GPAT3: variants seen among roughly 807,000 people sequenced by gnomAD.
GPAT3 encodes glycerol-3-phosphate acyltransferase 3, also known as 1-AGP acyltransferase 9.
Under a neutral mutation model 58.8 loss-of-function variants are expected in GPAT3, and 53 were observed. The observed-to-expected ratio is 0.90, with a 90% CI of 0.72 to 1.13. The LOEUF is 1.13. Among genes scored for constraint, GPAT3 ranks in the 50% most tolerant of loss-of-function variants. The pLI is 0.00. For synonymous variants in GPAT3, 197 were observed against 187.4 expected (o/e 1.05, Z -0.42); for missense variants, 511 against 527.6 (o/e 0.97, Z 0.31).
intron 2 of GPAT3, among the ~76,000 whole-genome samples, chr4:83,562,211 T>TA (rs55826032): frequency 0.061 from 4,413 of 72,280 alleles, 391 homozygotes; most frequent in African/African-American, 0.33. Context: ...TATATATATA[T>TA]TATATATATA....
chr4:83,544,532 A>G lies in GPAT3; in HGVS notation c.142-4A>G. On this transcript the variant is annotated splice_polypyrimidine_tract_variant and splice_region_variant and intron_variant, in intron 1 of 11. Coordinates refer to ENST00000264409, the MANE Select transcript of GPAT3 (RefSeq NM_032717.5). ...TTAAATTAATATTTCTTGTTTTTGAACAGTGGGCCACAATACGAATTGAAA... is the reference window on the plus strand; with the variant it reads ...TTAAATTAATATTTCTTGTTTTTGAGCAGTGGGCCACAATACGAATTGAAA... 2 of 1,613,854 alleles carry G rather than the reference A, an allele frequency of 1.2e-6. No individual in the cohort carries two copies. The highest frequency in any genetic ancestry group is 1.1e-5 in the South Asian group (1 of 91,080).
At chr4:83,580,637 A>C (rs947702090) in intron 2 of GPAT3, among the ~76,000 whole-genome samples, 1 of 152,158 alleles carries the variant, frequency 6.6e-6, no homozygotes, top group Non-Finnish European at 1.5e-5. Context: ...TCATTGAATA[A>C]AATGCTGCTG....
Position 83,597,422 on chromosome 4 carries a change from C to A in GPAT3, c.911-8C>A, listed in dbSNP as rs777372075. ...AATATTCACGCTCCTACCCTCACCC[C>A]CTTGCAGGAACTTGCATCAACAATA... On this transcript the variant is annotated splice_polypyrimidine_tract_variant and splice_region_variant and intron_variant, in intron 8 of 11. Transcript: ENST00000264409. The A allele has an allele frequency of 1.5e-5, 23 of 1,516,548 alleles. No individual in the cohort carries two copies. Among genetic ancestry groups the A allele is most frequent in the South Asian group, 5.7e-5 (4 of 70,288 alleles). 93.9% of individuals were successfully genotyped at this position (1,516,548 alleles called of 1,614,324 possible).
intron 2 of GPAT3, among the ~76,000 whole-genome samples, chr4:83,553,223 T>C (rs78590427): frequency 0.032 from 4,823 of 152,098 alleles, 278 homozygotes; most frequent in African/African-American, 0.11. Flanking sequence ...CAGATCAGAG[T>C]TATGGTCTTG....
At position 83,597,419 on chromosome 4, in the gene GPAT3, C is replaced by A. The variant is rs1221053416; in HGVS notation, c.911-11C>A. On this transcript the variant is annotated splice_polypyrimidine_tract_variant and intron_variant, in intron 8 of 11. Coordinates refer to ENST00000264409, the MANE Select transcript of GPAT3 (RefSeq NM_032717.5). ...AAAAATATTCACGCTCCTACCCTCACCCCCTTGCAGGAACTTGCATCAACA... is the reference window on the plus strand; with the variant it reads ...AAAAATATTCACGCTCCTACCCTCAACCCCTTGCAGGAACTTGCATCAACA... 75 of 1,500,092 alleles carry A rather than the reference C, an allele frequency of 5.0e-5. No homozygotes were observed. The highest frequency in any genetic ancestry group is 6.4e-5 in the Non-Finnish European group (72 of 1,116,346). The allele number at this position is 1,500,092 out of a possible 1,614,324, so 92.9% of individuals were successfully genotyped here.
chr4:83,571,195 T>G (rs959641705), intron 2 of GPAT3, among the ~76,000 whole-genome samples: 1 of 152,252 alleles, frequency 6.6e-6, no homozygotes, highest in African/African-American at 2.4e-5. Flanking sequence ...ACCAATAGTT[T>G]GTTTATTTAT....
chr4:83,544,436 A>G (rs1298203586), intron 1 of GPAT3, 100 bp from the exon 2 acceptor site: 1 of 1,198,950 alleles, frequency 8.3e-7, no homozygotes, highest in African/African-American at 1.5e-5. Context: ...AGACACTGCC[A>G]GAGCTTGATG....
chr4:83,559,657 T>C (rs1216356814), intron 2 of GPAT3, among the ~76,000 whole-genome samples: 1 of 152,208 alleles, frequency 6.6e-6, no homozygotes, highest in African/African-American at 2.4e-5. Context: ...TCTTTTAATC[T>C]GCCAGCAAGT....
chr4:83,596,937 G>C, intron 8 of GPAT3, 24 bp downstream of exon 8: 1 of 1,592,160 alleles, frequency 6.3e-7, no homozygotes, highest in Non-Finnish European at 8.6e-7. Flanking sequence ...TGCCTCCCGA[G>C]CTATAGTTGA....
At chr4:83,543,063 G>T (rs190407954) in intron 1 of GPAT3, among the ~76,000 whole-genome samples, 1 of 152,270 alleles carries the variant, frequency 6.6e-6, no homozygotes, top group Non-Finnish European at 1.5e-5. Flanking sequence ...CACTTTGGGA[G>T]GCTGAAGCCA....
chr4:83,573,172 T>G (rs912680964), intron 2 of GPAT3, among the ~76,000 whole-genome samples: 2 of 152,196 alleles, frequency 1.3e-5, no homozygotes, highest in Non-Finnish European at 2.9e-5. Flanking sequence ...TTTCACTCTG[T>G]CACCCAGGCT....
chr4:83,551,490 T>A (rs114302934), intron 2 of GPAT3, among the ~76,000 whole-genome samples: 52,090 of 151,446 alleles, frequency 0.34, 9,075 homozygotes, highest in Middle Eastern at 0.44. Context: ...ATTTATAATT[T>A]TTTTTCTTTA....
intron 1 of GPAT3, among the ~76,000 whole-genome samples, chr4:83,543,774 A>C (rs560456627): frequency 1.3e-5 from 2 of 151,850 alleles, no homozygotes; most frequent in Non-Finnish European, 2.9e-5. Context: ...CAGAGTAGCT[A>C]GGATTACAGG....
intron 2 of GPAT3, among the ~76,000 whole-genome samples, chr4:83,566,680 A>T (rs1405415659): frequency 6.6e-6 from 1 of 151,672 alleles, no homozygotes; most frequent in Non-Finnish European, 1.5e-5. Context: ...TTAAGTTTGT[A>T]AATTTATTGA....
intron 1 of GPAT3, among the ~76,000 whole-genome samples, chr4:83,541,264 C>A (rs1045603878): frequency 3.3e-5 from 5 of 151,762 alleles, no homozygotes; most frequent in South Asian, 4.2e-4. Context: ...GCAGGGTCTC[C>A]CTGTCACCTA....
chr4:83,562,908 A>G (rs899573242), intron 2 of GPAT3, among the ~76,000 whole-genome samples: 1 of 152,198 alleles, frequency 6.6e-6, no homozygotes, highest in African/African-American at 2.4e-5. Context: ...AGAATAATAG[A>G]AGTTGTCTAC....
intron 2 of GPAT3, among the ~76,000 whole-genome samples, chr4:83,547,606 G>T (rs1724593307): frequency 6.6e-6 from 1 of 151,710 alleles, no homozygotes; most frequent in Admixed American, 6.6e-5. Context: ...TGCATTTCAA[G>T]TCTCCCTTCC....
intron 2 of GPAT3, among the ~76,000 whole-genome samples, chr4:83,574,867 CT>C (rs559690278): frequency 1.9e-3 from 219 of 112,906 alleles, no homozygotes; most frequent in East Asian, 4.1e-3. Context: ...ACATTTCTTT[CT>C]TTTTTTTTTT....
chr4:83,550,277 T>A (rs1724706652), intron 2 of GPAT3, among the ~76,000 whole-genome samples: 1 of 152,246 alleles, frequency 6.6e-6, no homozygotes, highest in African/African-American at 2.4e-5. Flanking sequence ...AAGCAATCCA[T>A]CTGCATCCGT....
Sources: gnomAD v4.1 joint callset for allele counts (sites outside exome capture counted in the v4.1 genomes callset) on GRCh38, gnomAD v4.1.1 for gene constraint, MANE v1.5 for transcripts, NCBI Gene and HGNC (gene_info 2026-07-23, HGNC 2026-07-21) for gene names.